Variants in DLGAP1 observed in about 807,000 individuals in gnomAD.
DLGAP1 encodes the protein disks large-associated protein 1.
In DLGAP1, 11 loss-of-function variants were observed where a neutral mutation model predicts 90.8. The observed-to-expected ratio is 0.12, with a 90% CI of 0.08 to 0.20. DLGAP1 has a LOEUF of 0.20. Ranked by LOEUF, DLGAP1 falls within the 10% of genes least tolerant of loss-of-function variation. The probability of loss-of-function intolerance (pLI) is 1.00; values close to 1 mark genes in which losing one functional copy is unlikely to be tolerated. For synonymous variants in DLGAP1, 558 were observed against 540.7 expected, an observed-to-expected ratio of 1.03 and a Z score of -0.44; for missense variants, 1,050 against 1,333.8, an observed-to-expected ratio of 0.79 and a Z score of 3.31.
chr18:3,686,568 AT>A lies in DLGAP1; in HGVS notation c.1591+42566del, dbSNP rs371703657. ...TGTACAAAGATGTTTCTTTCCTGAG[AT>A]TTTTTCTTTTGTCTTGTGCATTTTC... is the stretch of plus-strand genomic sequence containing the variant. On this transcript the variant is annotated intron_variant, in intron 7 of 12. Transcript: ENST00000315677. 3.0e-3 allele frequency among the ~76,000 whole-genome samples: 449 copies of A among 152,162 alleles called. 1 individual carries two copies. The highest frequency in any genetic ancestry group is 0.01 in the African/African-American group (432 of 41,522).
chr18:3,669,883 AC>A (rs1248131503), intron 7 of DLGAP1, among the ~76,000 whole-genome samples: 1 of 151,818 alleles, frequency 6.6e-6, no homozygotes, highest in African/African-American at 2.4e-5. Context: ...CTAAAAGAAC[AC>A]CCTGCGACAC....
chr18:4,108,590 TATTAGC>T (rs199919375), intron 2 of DLGAP1, among the ~76,000 whole-genome samples: 76,259 of 151,422 alleles, frequency 0.5, 20,288 homozygotes, highest in African/African-American at 0.68. Flanking sequence ...AAATTTTATT[TATTAGC>T]ATTAGCTAAT....
intron 1 of DLGAP1, among the ~76,000 whole-genome samples, chr18:4,423,559 A>G (rs1336740479): frequency 6.6e-6 from 1 of 152,144 alleles, no homozygotes; most frequent in Non-Finnish European, 1.5e-5. Flanking sequence ...TAAATAATCT[A>G]AAAGAAATTT....
intron 2 of DLGAP1, among the ~76,000 whole-genome samples, chr18:4,045,429 C>CAAAAAAAAAA (rs1329702363): frequency 3.0e-5 from 1 of 32,844 alleles, no homozygotes; most frequent in Admixed American, 4.4e-4. Context: ...GACCCCATCT[C>CAAAAAAAAAA]TACAAAAAAA....
chr18:3,655,370 C>T (rs1459327946), intron 7 of DLGAP1: 1 of 152,132 alleles, frequency 6.6e-6, no homozygotes, highest in Non-Finnish European at 1.5e-5. Context: ...AATTTTATAC[C>T]AATAAATCAT....
chr18:3,741,267 C>T (rs1432559202), intron 6 of DLGAP1, among the ~76,000 whole-genome samples: 6 of 127,940 alleles, frequency 4.7e-5, no homozygotes, highest in South Asian at 2.7e-4. Context: ...ACAATCACCA[C>T]CACCACATCA....
chr18:3,578,080 G>A (rs76736909), intron 8 of DLGAP1, among the ~76,000 whole-genome samples: 3,206 of 152,206 alleles, frequency 0.021, 120 homozygotes, highest in African/African-American at 0.072. Flanking sequence ...TGTACCATAT[G>A]AAATAAGGAC....
At chr18:4,295,657 ATG>A (rs966807447) in intron 1 of DLGAP1, among the ~76,000 whole-genome samples, 5 of 152,222 alleles carry the variant, frequency 3.3e-5, no homozygotes, top group African/African-American at 1.2e-4. Context: ...CTTCCTAGCT[ATG>A]CAACCTGAGA....
At chr18:3,643,110 C>A (rs1343595823) in intron 7 of DLGAP1, among the ~76,000 whole-genome samples, 1 of 151,928 alleles carries the variant, frequency 6.6e-6, no homozygotes, top group Non-Finnish European at 1.5e-5. Flanking sequence ...GCAACCCTAG[C>A]AAAGAAGGAA....
Position 4,342,396 on chromosome 18 carries a change from A to T in DLGAP1, c.-267+112610T>A, listed in dbSNP as rs2081210214. On this transcript the variant is annotated intron_variant, in intron 1 of 12. Coordinates refer to ENST00000315677, the MANE Select transcript of DLGAP1 (RefSeq NM_004746.4). The surrounding 1 kb of genome is among the most constrained non-coding windows in gnomAD (Gnocchi z 5.8). ...AACACTCCCAAATATCTTACATTTT[A>T]AAAATTGGAAAGGAAATATCTTGCA... Among the ~76,000 whole-genome samples, 1 of 152,228 alleles carries T rather than the reference A, an allele frequency of 6.6e-6. No homozygotes were observed. Among genetic ancestry groups the T allele is most frequent in the Admixed American group, 6.5e-5 (1 of 15,274 alleles).
intron 1 of DLGAP1, among the ~76,000 whole-genome samples, chr18:4,227,494 G>A (rs965578691): frequency 3.3e-5 from 5 of 151,644 alleles, no homozygotes; most frequent in East Asian, 1.9e-4. Flanking sequence ...GAAATATATC[G>A]AACATCTTCT....
At chr18:4,034,716 T>C (rs1291654570) in intron 2 of DLGAP1, among the ~76,000 whole-genome samples, 1 of 152,192 alleles carries the variant, frequency 6.6e-6, no homozygotes, top group South Asian at 2.1e-4. Context: ...TCACTAACAT[T>C]GCCTTCTTGT....
Position 3,534,606 on chromosome 18 carries a change from C to A in DLGAP1, c.2067G>T (p.Arg689Ser), listed in dbSNP as rs770731479. Residue 689 changes from arginine to serine, a missense_variant, in exon 10 of 13, where the codon AGG (arginine) becomes AGT (serine). Transcript: ENST00000315677. ...VQVEEEKCFR[R>S]FTRSNSVTTA... ...TCGTCACACTGTTGGATCGAGTGAACCTGCGGAAGCTTGGGAGAATAGAAA... is the reference window on the plus strand; with the variant it reads ...TCGTCACACTGTTGGATCGAGTGAAACTGCGGAAGCTTGGGAGAATAGAAA... 6.4e-7 allele frequency: 1 copy of A among 1,559,614 alleles called. No homozygotes were observed. Among genetic ancestry groups the A allele is most frequent in the Admixed American group, 2.0e-5 (1 of 49,964 alleles).
rs538764869 is a variant in DLGAP1, at chr18:4,181,697, C to CT, written c.-266-30411dup. 6.5e-3 allele frequency among the ~76,000 whole-genome samples: 970 copies of CT among 148,556 alleles called. 8 individuals are homozygous for CT. Among genetic ancestry groups the CT allele is most frequent in the African/African-American group, 0.022 (902 of 40,298 alleles). Reference sequence around the variant, plus strand: ...TCCTTTAAGTGTCTTTGGATTTCTTCTTTTTTTTTTAAAGTGTCTGGTATT... The same window carrying CT: ...TCCTTTAAGTGTCTTTGGATTTCTTCTTTTTTTTTTTAAAGTGTCTGGTATT... On this transcript the variant is annotated intron_variant, in intron 1 of 12. Coordinates refer to ENST00000315677, the MANE Select transcript of DLGAP1 (RefSeq NM_004746.4).
chr18:4,255,793 GTTTT>G (rs928001381), intron 1 of DLGAP1, among the ~76,000 whole-genome samples: 2 of 151,882 alleles, frequency 1.3e-5, no homozygotes, highest in South Asian at 4.1e-4. Context: ...TAAATTTAAT[GTTTT>G]TTAACTTTTG....
intron 6 of DLGAP1, among the ~76,000 whole-genome samples, chr18:3,734,409 C>A (rs183142755): frequency 3.9e-5 from 6 of 152,244 alleles, no homozygotes; most frequent in African/African-American, 1.2e-4. Context: ...CGAGCTACTG[C>A]ACTCAGCCCC....
At chr18:3,562,691 C>G (rs1255048512) in intron 9 of DLGAP1, among the ~76,000 whole-genome samples, 1 of 148,726 alleles carries the variant, frequency 6.7e-6, no homozygotes, top group Admixed American at 6.8e-5. Context: ...ATTACAGACA[C>G]GCGCCACCAC....
intron 9 of DLGAP1, among the ~76,000 whole-genome samples, chr18:3,534,817 G>A (rs1479774165): frequency 2.0e-5 from 3 of 150,810 alleles, no homozygotes; most frequent in East Asian, 2.0e-4. Context: ...TCAGCCTCCC[G>A]AGTAGCTGAG....
intron 1 of DLGAP1, among the ~76,000 whole-genome samples, chr18:4,380,482 C>T (rs2082092212): frequency 1.3e-5 from 2 of 152,002 alleles, no homozygotes; most frequent in Admixed American, 1.3e-4. Flanking sequence ...TTGCTTTCTA[C>T]TCACAAATCA....
Sources: gnomAD v4.1 joint callset for allele counts (sites outside exome capture counted in the v4.1 genomes callset) on GRCh38, gnomAD v4.1.1 for gene constraint, Gnocchi (gnomAD v3.1) non-coding constraint, MANE v1.5 for transcripts, NCBI Gene and HGNC (gene_info 2026-07-23, HGNC 2026-07-21) for gene names.